Variants in NTRK2 observed in about 807,000 individuals in gnomAD.
NTRK2 encodes neurotrophic receptor tyrosine kinase 2, also known as BDNF/NT-3 growth factors receptor.
A neutral mutation model predicts 94.5 loss-of-function variants in NTRK2; 13 were observed. That is an observed-to-expected ratio of 0.14 (90% confidence interval 0.09 to 0.22). NTRK2 has a LOEUF of 0.22. Ranked by LOEUF, NTRK2 falls within the 10% of genes least tolerant of loss-of-function variation. The pLI is 1.00. For missense variants in NTRK2, 639 were observed against 1,071.2 expected, an observed-to-expected ratio of 0.60 and a Z score of 5.63; for synonymous variants, 372 against 407.4, an observed-to-expected ratio of 0.91 and a Z score of 1.05.
intron 12 of NTRK2, among the ~76,000 whole-genome samples, chr9:84,846,658 T>A (rs2074487991): frequency 6.6e-6 from 1 of 152,260 alleles, no homozygotes; most frequent in Non-Finnish European, 1.5e-5. Flanking sequence ...CTCATGTACC[T>A]GGGCTGATGA....
intron 12 of NTRK2, among the ~76,000 whole-genome samples, chr9:84,832,332 G>T (rs991239403): frequency 6.6e-6 from 1 of 152,182 alleles, no homozygotes; most frequent in Non-Finnish European, 1.5e-5. Flanking sequence ...TCCTCACAGG[G>T]AATTTTAAGT....
At chr9:84,899,520 C>G (rs2076864488) in intron 14 of NTRK2, among the ~76,000 whole-genome samples, 1 of 152,214 alleles carries the variant, frequency 6.6e-6, no homozygotes, top group Non-Finnish European at 1.5e-5. Context: ...TGACCTACTT[C>G]CCAGTCTGGT....
At chr9:84,811,669 A>G (rs959694955) in intron 12 of NTRK2, 14 of 1,065,274 alleles carry the variant, frequency 1.3e-5, no homozygotes, top group African/African-American at 3.3e-5. Flanking sequence ...TTTCATGGGT[A>G]GGAAAGCTTG....
rs367769334 is a variant in NTRK2 at position 85,020,276 on chromosome 9, C to T, written c.2243C>T (p.Thr748Met). The T allele has an allele frequency of 1.9e-6, 3 of 1,614,050 alleles. No homozygotes were observed. Among genetic ancestry groups the T allele is most frequent in the Non-Finnish European group, 2.5e-6 (3 of 1,179,990 alleles). Residue 748 changes from threonine to methionine, a missense_variant, in exon 18 of 19, where the codon ACG (threonine) becomes ATG (methionine). Thr to Met is a moderately conservative substitution (Grantham distance 81, BLOSUM62 -1). This residue lies in a region of NTRK2 where 77 missense variants were observed against 203.6 expected (regional missense o/e 0.38). Transcript: ENST00000277120. Reference protein sequence around the residue: ...PESIMYRKFTTESDVWSLGVV... With the variant: ...PESIMYRKFTMESDVWSLGVV... Reference sequence around the variant, plus strand: ...AGCATCATGTACAGGAAATTCACGACGGAAAGCGACGTCTGGAGCCTGGGG... The same window carrying T: ...AGCATCATGTACAGGAAATTCACGATGGAAAGCGACGTCTGGAGCCTGGGG...
intron 14 of NTRK2, chr9:84,872,913 C>T (rs982235050): frequency 1.9e-6 from 2 of 1,065,076 alleles, no homozygotes; most frequent in African/African-American, 1.6e-5. Context: ...CAGCCCACTT[C>T]GTCCTTGTCT....
chr9:84,779,052 C>T (rs1426937956), intron 12 of NTRK2, among the ~76,000 whole-genome samples: 3 of 152,162 alleles, frequency 2.0e-5, no homozygotes, highest in Non-Finnish European at 4.4e-5. Flanking sequence ...CTTCCCTCTC[C>T]CTTGGGTAAT....
chr9:84,873,499 C>T lies in NTRK2; in HGVS notation c.1633+6068C>T. 3 of 1,059,216 alleles carry T rather than the reference C, an allele frequency of 2.8e-6. No individual in the cohort carries two copies. The South Asian group carries it at 1.4e-4, about 48-fold the overall frequency. The allele number at this position is 1,059,216 out of a possible 1,614,324, so 65.6% of individuals were successfully genotyped here. On this transcript the variant is annotated intron_variant, in intron 14 of 18. Coordinates refer to ENST00000277120, the MANE Select transcript of NTRK2 (RefSeq NM_006180.6). ...TACAATTCCTTCCCCCTCTCAGTGCCACGGCCCCCCCATTGCTAGCTACAA... is the reference window on the plus strand; with the variant it reads ...TACAATTCCTTCCCCCTCTCAGTGCTACGGCCCCCCCATTGCTAGCTACAA...
At chr9:84,978,918 A>C (rs1158132344) in intron 17 of NTRK2, among the ~76,000 whole-genome samples, 1 of 152,242 alleles carries the variant, frequency 6.6e-6, no homozygotes, top group Non-Finnish European at 1.5e-5. Context: ...GGATGACAGC[A>C]CATCTGTTTA....
intron 17 of NTRK2, among the ~76,000 whole-genome samples, chr9:85,007,552 G>T (rs1352497755): frequency 6.6e-6 from 1 of 152,210 alleles, no homozygotes; most frequent in Non-Finnish European, 1.5e-5. Context: ...GGGACAGGGG[G>T]AGGAGGGAAT....
In NTRK2 at chr9:84,795,122, C is replaced by A. The variant is rs572291739; in HGVS notation, c.1396+43037C>A. ...ACTGGGATTATATTCCGACTGCAAG[C>A]ATAGGCAAGTTCAGGGATCTATCTG... On this transcript the variant is annotated intron_variant, in intron 12 of 18. Transcript: ENST00000277120. 5.3e-5 allele frequency among the ~76,000 whole-genome samples: 8 copies of A among 152,316 alleles called. No individual in the cohort carries two copies. In the East Asian group the frequency reaches 1.5e-3, roughly 29 times the overall value.
At chr9:84,757,365 G>T (rs986854936) in intron 12 of NTRK2, among the ~76,000 whole-genome samples, 2 of 152,076 alleles carry the variant, frequency 1.3e-5, no homozygotes, top group Non-Finnish European at 2.9e-5. Flanking sequence ...CAAATATATG[G>T]CTTCATTTTT....
chr9:84,988,736 C>T (rs554661820), intron 17 of NTRK2, among the ~76,000 whole-genome samples: 2 of 152,306 alleles, frequency 1.3e-5, no homozygotes, highest in South Asian at 4.1e-4. Flanking sequence ...GATGCCAGGC[C>T]ACTTGCCTGT....
intron 14 of NTRK2, among the ~76,000 whole-genome samples, chr9:84,870,120 T>C (rs1304854191): frequency 7.5e-6 from 1 of 134,072 alleles, no homozygotes; most frequent in African/African-American, 2.8e-5. Context: ...TATATATATA[T>C]ATATATACAC....
At chr9:84,986,428 G>T (rs1828311420) in intron 17 of NTRK2, among the ~76,000 whole-genome samples, 1 of 152,158 alleles carries the variant, frequency 6.6e-6, no homozygotes, top group African/African-American at 2.4e-5. Flanking sequence ...TCACAGTAGG[G>T]TTTGTGCTTT....
At chr9:84,816,526 A>G (rs1252204186) in intron 12 of NTRK2, among the ~76,000 whole-genome samples, 1 of 152,092 alleles carries the variant, frequency 6.6e-6, no homozygotes, top group Non-Finnish European at 1.5e-5. Context: ...CACACCTATA[A>G]TCCCAGTACT....
Position 84,670,904 on chromosome 9 carries a change from C to T in NTRK2, c.156C>T (p.Ile52=), listed in dbSNP as rs1362739690. 3 of 1,611,618 alleles carry T rather than the reference C, an allele frequency of 1.9e-6. No individual in the cohort carries two copies. The highest frequency in any genetic ancestry group is 2.5e-6 in the Non-Finnish European group (3 of 1,180,024). ...GGTGCAGCGACCCTTCTCCTGGCATCGTGGCATTTCCGAGATTGGAGCCTA... is the reference window on the plus strand; with the variant it reads ...GGTGCAGCGACCCTTCTCCTGGCATTGTGGCATTTCCGAGATTGGAGCCTA... ...RIWCSDPSPG[I]VAFPRLEPNS... is the part of the protein sequence containing the mutation. The change falls in exon 2 of 19, where the codon ATC becomes ATT. Residue 52 remains isoleucine, a synonymous_variant. Coordinates refer to ENST00000277120, the MANE Select transcript of NTRK2 (RefSeq NM_006180.6).
intron 9 of NTRK2, among the ~76,000 whole-genome samples, chr9:84,731,473 T>G (rs1265956814): frequency 6.6e-6 from 1 of 152,114 alleles, no homozygotes; most frequent in Non-Finnish European, 1.5e-5. Context: ...AAAAAAGAAC[T>G]AAGATTTCCA....
intron 12 of NTRK2, chr9:84,810,979 AG>A: frequency 1.8e-6 from 2 of 1,119,482 alleles, no homozygotes; most frequent in Non-Finnish European, 2.2e-6. Context: ...TGACCTGCAA[AG>A]TTAAAAAAAA....
At chr9:84,772,276 G>A (rs1011382432) in intron 12 of NTRK2, among the ~76,000 whole-genome samples, 1 of 151,836 alleles carries the variant, frequency 6.6e-6, no homozygotes, top group Non-Finnish European at 1.5e-5. Context: ...TTTTGAGACA[G>A]AGTCTCACTC....
Sources: gnomAD v4.1 joint callset for allele counts (sites outside exome capture counted in the v4.1 genomes callset) on GRCh38, gnomAD v4.1.1 for gene constraint, gnomAD v4.1.1 regional missense constraint, MANE v1.5 for transcripts, NCBI Gene and HGNC (gene_info 2026-07-23, HGNC 2026-07-21) for gene names.